The following MAPT variants were observed in gnomAD, a reference collection of about 807,000 sequenced individuals.
MAPT encodes the protein microtubule associated protein tau.
Under a neutral mutation model 67.9 loss-of-function variants are expected in MAPT, and 34 were observed. The observed-to-expected ratio is 0.50, with a 90% CI of 0.38 to 0.67. MAPT has a LOEUF of 0.67. Among genes scored for constraint, MAPT ranks in the 30% least tolerant of loss-of-function variants. The pLI, the probability that MAPT is intolerant of heterozygous loss-of-function variation, is 0.00. For missense variants in MAPT, 881 were observed against 1,115.2 expected (o/e 0.79, Z 2.99); for synonymous variants, 456 against 464.5 (o/e 0.98, Z 0.23).
In MAPT at chr17:46,018,617, G is replaced by C; in HGVS notation, c.2174-1G>C. On this transcript the variant is annotated splice_acceptor_variant, in intron 11 of 12. Coordinates refer to ENST00000262410, the MANE Select transcript of MAPT (RefSeq NM_001377265.1). LOFTEE classifies it high-confidence loss of function. ...ATGCTCTTGTGTGTGTTGTGTTCTAGGAGGTGGCCAGGTGGAAGTAAAATC... is the reference window on the plus strand; with the variant it reads ...ATGCTCTTGTGTGTGTTGTGTTCTACGAGGTGGCCAGGTGGAAGTAAAATC... 1 of 1,604,526 alleles carries C rather than the reference G, an allele frequency of 6.2e-7. No homozygotes were observed. Among genetic ancestry groups the C allele is most frequent in the Non-Finnish European group, 8.5e-7 (1 of 1,171,208 alleles).
At chr17:46,021,591 G>A (rs2076533470) in intron 12 of MAPT, among the ~76,000 whole-genome samples, 1 of 152,198 alleles carries the variant, frequency 6.6e-6, no homozygotes, top group Admixed American at 6.5e-5. Flanking sequence ...TGCTTTGAAA[G>A]TCAAGATCCG....
At chr17:45,904,347 T>TTA (rs980838977) in intron 1 of MAPT, among the ~76,000 whole-genome samples, 1 of 81,446 alleles carries the variant, frequency 1.2e-5, no homozygotes, top group Non-Finnish European at 2.3e-5. Flanking sequence ...TATATATATA[T>TTA]TATATATATT....
chr17:45,976,326 C>T (rs1423537103), intron 3 of MAPT: 2 of 152,188 alleles, frequency 1.3e-5, no homozygotes, highest in Admixed American at 1.3e-4. Context: ...CACCAGGTGT[C>T]CTCAATGTAT....
At chr17:45,959,781 A>T (rs1186651357) in intron 1 of MAPT, among the ~76,000 whole-genome samples, 1 of 145,220 alleles carries the variant, frequency 6.9e-6, no homozygotes. Flanking sequence ...AACTCCATCT[A>T]AAAAAAAAAA....
rs1444095159 is a variant in MAPT at position 46,027,374 on chromosome 17, C to T, written c.*3203C>T. The T allele has an allele frequency of 6.5e-6, 1 of 152,852 alleles. No individual in the cohort carries two copies. Among genetic ancestry groups the T allele is most frequent in the Non-Finnish European group, 1.5e-5 (1 of 68,200 alleles). The allele number at this position is 152,852 out of a possible 1,614,324, so 9.5% of individuals were successfully genotyped here. A position where few individuals can be genotyped will look rare whatever the true frequency, so the allele number is the denominator to read the frequency against. On this transcript the variant is annotated 3_prime_UTR_variant, in exon 13 of 13. Coordinates refer to ENST00000262410, the MANE Select transcript of MAPT (RefSeq NM_001377265.1). ...TCCCCCCAGGGCTGGGCACTCCTCC[C>T]CTCCCCTCACTTCTCCCACCTGCAG...
chr17:45,980,454 A>G (rs1316430096), intron 4 of MAPT: 1 of 146,748 alleles, frequency 6.8e-6, no homozygotes, highest in African/African-American at 2.5e-5. Context: ...CTGTGAGCCG[A>G]GATCATGCCA....
At chr17:45,910,124 T>C (rs2064655038) in intron 1 of MAPT, among the ~76,000 whole-genome samples, 1 of 152,154 alleles carries the variant, frequency 6.6e-6, no homozygotes, top group Admixed American at 6.5e-5. Flanking sequence ...GAGAGTGATA[T>C]GGGGGCACTG....
chr17:45,963,797 C>G (rs559261912), intron 2 of MAPT, among the ~76,000 whole-genome samples: 1 of 152,174 alleles, frequency 6.6e-6, no homozygotes, highest in Admixed American at 6.5e-5. Context: ...CCAGCTTTCT[C>G]GCACAGGGAG....
chr17:46,014,228 C>G lies in MAPT; in HGVS notation c.2092-15C>G. 6.5e-7 allele frequency: 1 copy of G among 1,536,562 alleles called. No individual in the cohort carries two copies. Among genetic ancestry groups the G allele is most frequent in the South Asian group, 1.1e-5 (1 of 89,342 alleles). On this transcript the variant is annotated splice_polypyrimidine_tract_variant and intron_variant, in intron 10 of 12. Transcript: ENST00000262410. ...TCTGCCTTTCCTCTTCTCTCTCCTCCTCTCTCATCTCCAGGTGCAAATAGT... is the reference window on the plus strand; with the variant it reads ...TCTGCCTTTCCTCTTCTCTCTCCTCGTCTCTCATCTCCAGGTGCAAATAGT...
In MAPT at chr17:45,986,907, C is replaced by T. The variant is rs769714747; in HGVS notation, c.1352-133C>T. The T allele has an allele frequency of 3.2e-4, 237 of 735,362 alleles. 1 individual carries two copies. The highest frequency in any genetic ancestry group is 2.1e-4 in the Admixed American group (10 of 47,622). The allele number at this position is 735,362 out of a possible 1,614,324, so 45.6% of individuals were successfully genotyped here. On this transcript the variant is annotated intron_variant, in intron 5 of 12. Coordinates refer to ENST00000262410, the MANE Select transcript of MAPT (RefSeq NM_001377265.1). ...CTAGCAGATTCAAGGGAAAAGAGAA[C>T]CAACTGGGTTTCCACCAGACCCAAC...
intron 1 of MAPT, among the ~76,000 whole-genome samples, chr17:45,903,294 T>C (rs1321821685): frequency 2.0e-5 from 3 of 152,114 alleles, no homozygotes; most frequent in Non-Finnish European, 4.4e-5. Flanking sequence ...CTGCCATTGA[T>C]TTGCAGGTCA....
At chr17:45,962,598 C>T (rs2070567648) in intron 2 of MAPT, 128 bp downstream of exon 2, 1 of 1,291,130 alleles carries the variant, frequency 7.7e-7, no homozygotes. Flanking sequence ...TAAAGTAAAG[C>T]CTCATTAATT....
chr17:45,996,701 C>A lies in MAPT; in HGVS notation c.1998+37C>A. The A allele has an allele frequency of 6.2e-7, 1 of 1,609,274 alleles. No individual in the cohort carries two copies. The highest frequency in any genetic ancestry group is 8.5e-7 in the Non-Finnish European group (1 of 1,177,640). Reference sequence around the variant, plus strand: ...TGGCTGCGCGTGGAGGTGTGGGGGGCTGCGCCTGGAGGGGTAGGGCTGTGC... The same window carrying A: ...TGGCTGCGCGTGGAGGTGTGGGGGGATGCGCCTGGAGGGGTAGGGCTGTGC... On this transcript the variant is annotated intron_variant, in intron 9 of 12. Transcript: ENST00000262410. This position sits in a 1 kb window ranked among gnomAD's most constrained non-coding sequence, Gnocchi z 4.5.
At chr17:45,930,368 C>T (rs1476666667) in intron 1 of MAPT, among the ~76,000 whole-genome samples, 1 of 149,760 alleles carries the variant, frequency 6.7e-6, no homozygotes, top group African/African-American at 2.5e-5. Context: ...GATCGCACTA[C>T]TGCATTCCAG....
chr17:45,903,986 AT>A (rs1294662292), intron 1 of MAPT, among the ~76,000 whole-genome samples: 4 of 28,388 alleles, frequency 1.4e-4, no homozygotes, highest in African/African-American at 2.5e-4. Context: ...TATATTATAT[AT>A]TTATATATAT....
chr17:45,938,636 T>C (rs935691908), intron 1 of MAPT, among the ~76,000 whole-genome samples: 1 of 149,362 alleles, frequency 6.7e-6, no homozygotes, highest in Non-Finnish European at 1.5e-5. Context: ...ATTCATTTTT[T>C]TAATTAAGAT....
intron 1 of MAPT, among the ~76,000 whole-genome samples, chr17:45,922,512 C>T (rs1369586165): frequency 6.9e-6 from 1 of 145,070 alleles, no homozygotes; most frequent in Non-Finnish European, 1.6e-5. Context: ...CACACACACA[C>T]ACACACAGAG....
At chr17:45,976,410 C>G (rs1162541572) in intron 3 of MAPT, 2 of 152,292 alleles carry the variant, frequency 1.3e-5, no homozygotes, top group Admixed American at 6.5e-5. Flanking sequence ...CCAAGCCACT[C>G]TCTCCAAGGA....
In MAPT at chr17:45,974,318, A is replaced by G. The variant is rs2072066301; in HGVS notation, c.220+2373A>G. ...CCTCCCTGCATTGCTCCTGCGCAAG[A>G]AGCAAAGGTGAGGGGCTGGGTATGG... On this transcript the variant is annotated intron_variant, in intron 3 of 12. Coordinates refer to ENST00000262410, the MANE Select transcript of MAPT (RefSeq NM_001377265.1). 3 of 1,158,370 alleles carry G rather than the reference A, an allele frequency of 2.6e-6. No individual in the cohort carries two copies. The East Asian group carries it at 7.3e-5, about 28-fold the overall frequency. 71.8% of individuals were successfully genotyped at this position (1,158,370 alleles called of 1,614,324 possible). A position where few individuals can be genotyped will look rare whatever the true frequency, so the allele number is the denominator to read the frequency against.
Sources: allele counts gnomAD v4.1 joint callset (sites outside exome capture counted in the v4.1 genomes callset), GRCh38; gene constraint gnomAD v4.1.1; non-coding constraint Gnocchi (gnomAD v3.1); transcripts MANE v1.5; gene names NCBI Gene and HGNC (gene_info 2026-07-23, HGNC 2026-07-21).